Variants in TTC1 observed in about 807,000 individuals in gnomAD.
TTC1 encodes tetratricopeptide repeat protein 1.
TTC1 carries 31 observed loss-of-function variants against 37.6 expected under a neutral mutation model. The ratio of observed to expected loss-of-function variants is 0.82; its 90% CI spans 0.62 to 1.11. TTC1 has a LOEUF of 1.11. Ranked by LOEUF, TTC1 falls within the 50% of genes most tolerant of loss-of-function variation. TTC1 has a pLI of 0.00. For synonymous variants in TTC1, 127 were observed against 122.4 expected, an observed-to-expected ratio of 1.04 and a Z score of -0.25; for missense variants, 351 against 339.0, an observed-to-expected ratio of 1.04 and a Z score of -0.28.
Position 160,010,558 on chromosome 5 carries a change from T to A in TTC1, c.30T>A (p.Val10=), listed in dbSNP as rs1756481600. Reference sequence around the variant, plus strand: ...GGGAGAAGTCAGAGAACTGTGGGGTTCCAGAGGATCTGTTAAATGGTTTGA... The same window carrying A: ...GGGAGAAGTCAGAGAACTGTGGGGTACCAGAGGATCTGTTAAATGGTTTGA... MGEKSENCG[V]PEDLLNGLKV... is the part of the protein sequence containing the mutation. The change falls in exon 2 of 8, where the codon GTT becomes GTA. Residue 10 remains valine (V), a synonymous_variant. Transcript: ENST00000231238. 1.9e-6 allele frequency: 3 copies of A among 1,614,058 alleles called. No individual in the cohort carries two copies.
intron 1 of TTC1, among the ~76,000 whole-genome samples, chr5:160,010,257 C>CA (rs397882520): frequency 0.19 from 9,579 of 49,506 alleles, 800 homozygotes; most frequent in Non-Finnish European, 0.23. Flanking sequence ...GATTAAGTCT[C>CA]AAAAAAAAAA....
intron 7 of TTC1, among the ~76,000 whole-genome samples, chr5:160,054,408 G>C (rs148882952): frequency 6.6e-6 from 1 of 152,192 alleles, no homozygotes. Context: ...GAGCCCAGCA[G>C]TTCGAGACCA....
chr5:160,037,733 C>G (rs1757020040), intron 4 of TTC1, among the ~76,000 whole-genome samples: 1 of 151,324 alleles, frequency 6.6e-6, no homozygotes, highest in African/African-American at 2.4e-5. Context: ...TCTGATTTGT[C>G]TGATTTTCCG....
At chr5:160,051,088 T>G (rs766440909) in intron 6 of TTC1, 41 bp from the exon 7 acceptor site, 72 of 1,539,424 alleles carry the variant, frequency 4.7e-5, no homozygotes, top group South Asian at 1.2e-4. Context: ...TTTGGTTTTT[T>G]TTTTTTTTTT....
At chr5:160,018,822 A>G (rs4921106) in intron 2 of TTC1, among the ~76,000 whole-genome samples, 22,729 of 152,190 alleles carry the variant, frequency 0.15, 1,924 homozygotes, top group East Asian at 0.27. Context: ...GCAGTAGCCC[A>G]GTGAAGATGA....
intron 5 of TTC1, among the ~76,000 whole-genome samples, chr5:160,047,275 A>G (rs1200649556): frequency 1.3e-5 from 2 of 152,114 alleles, no homozygotes; most frequent in Non-Finnish European, 2.9e-5. Context: ...CAAAACTTGC[A>G]GTTAGTTTTT....
rs372061081 is a variant in TTC1, at chr5:160,038,047, G to T, written c.504+1244G>T. ...AAAGGCCCCAGGGCAGGGTTGCGGG[G>T]GTGGGTGCTTGAATGCTTGGACATG... On this transcript the variant is annotated intron_variant, in intron 4 of 7. Transcript: ENST00000231238. Among the ~76,000 whole-genome samples the T allele has an allele frequency of 1.1e-4, 17 of 151,888 alleles. 1 individual carries two copies. Among genetic ancestry groups the T allele is most frequent in the African/African-American group, 4.1e-4 (17 of 41,460 alleles).
At chr5:160,049,144 A>G (rs921709040) in intron 5 of TTC1, among the ~76,000 whole-genome samples, 2 of 152,236 alleles carry the variant, frequency 1.3e-5, no homozygotes, top group African/African-American at 4.8e-5. Context: ...TGGTTTTTAC[A>G]GTTTTAAATC....
At chr5:160,054,714 C>T (rs1438798991) in intron 7 of TTC1, among the ~76,000 whole-genome samples, 6 of 151,744 alleles carry the variant, frequency 4.0e-5, no homozygotes, top group African/African-American at 1.5e-4. Context: ...CATTTATAAT[C>T]AGAATAATCA....
chr5:160,057,584 TTTAAA>T lies in TTC1; in HGVS notation c.745+6403_745+6407del, dbSNP rs1212705061. On this transcript the variant is annotated intron_variant, in intron 7 of 7. Coordinates refer to ENST00000231238, the MANE Select transcript of TTC1 (RefSeq NM_003314.3). This position sits in a 1 kb window ranked among gnomAD's most constrained non-coding sequence, Gnocchi z 4.4. ...ACATTGGGGTGTCTGTGGCAGTATC[TTTAAA>T]TAAGATAGCAAGGAAGTTTGCCACA... 3.9e-5 allele frequency among the ~76,000 whole-genome samples: 6 copies of T among 152,218 alleles called. No individual in the cohort carries two copies. The highest frequency in any genetic ancestry group is 2.0e-4 in the Admixed American group (3 of 15,288).
At chr5:160,047,899 T>C (rs893805859) in intron 5 of TTC1, among the ~76,000 whole-genome samples, 1 of 152,308 alleles carries the variant, frequency 6.6e-6, no homozygotes, top group African/African-American at 2.4e-5. Context: ...TTTTTCATTA[T>C]AGTACTATGG....
chr5:160,049,707 G>C (rs370906460), intron 6 of TTC1, 45 bp downstream of exon 6: 60 of 1,427,914 alleles, frequency 4.2e-5, no homozygotes, highest in Middle Eastern at 2.5e-4. Context: ...TATTCTTTGT[G>C]TTGCTACCCA....
intron 2 of TTC1, among the ~76,000 whole-genome samples, chr5:160,025,143 T>A (rs947984406): frequency 3.3e-5 from 5 of 152,250 alleles, no homozygotes; most frequent in African/African-American, 9.6e-5. Flanking sequence ...TTCTCCTGCC[T>A]CAGCCTCCCA....
chr5:160,029,062 A>G (rs1184574401), intron 2 of TTC1, among the ~76,000 whole-genome samples: 1 of 152,156 alleles, frequency 6.6e-6, no homozygotes, highest in Non-Finnish European at 1.5e-5. Context: ...GTTGGTAATG[A>G]TATTTGTATA....
intron 2 of TTC1, among the ~76,000 whole-genome samples, chr5:160,018,632 A>G (rs143847110): frequency 0.012 from 1,760 of 152,354 alleles, 22 homozygotes; most frequent in African/African-American, 0.024. Flanking sequence ...CCTAAGCCGT[A>G]GTAAAGAACT....
chr5:160,014,894 A>G (rs868310912), intron 2 of TTC1, among the ~76,000 whole-genome samples: 5 of 152,318 alleles, frequency 3.3e-5, no homozygotes, highest in Middle Eastern at 3.4e-3. Context: ...AATGTTAAAC[A>G]GGGTATTTGT....
chr5:160,050,363 C>T (rs2113395100), intron 6 of TTC1, among the ~76,000 whole-genome samples: 1 of 152,190 alleles, frequency 6.6e-6, no homozygotes, highest in African/African-American at 2.4e-5. Flanking sequence ...AGGAGAATCG[C>T]TTGAACCCAG....
At chr5:160,046,217 A>G (rs574562058) in intron 5 of TTC1, among the ~76,000 whole-genome samples, 204 of 152,266 alleles carry the variant, frequency 1.3e-3, no homozygotes, top group Non-Finnish European at 9.0e-4. Context: ...TATCCATGCC[A>G]TTGAAACCCA....
At chr5:160,056,576 T>C (rs903377437) in intron 7 of TTC1, among the ~76,000 whole-genome samples, 21 of 152,012 alleles carry the variant, frequency 1.4e-4, no homozygotes. Context: ...AATAAAAAAT[T>C]AGCCCGGCAT....
Sources: allele counts gnomAD v4.1 joint callset (sites outside exome capture counted in the v4.1 genomes callset), GRCh38; gene constraint gnomAD v4.1.1; non-coding constraint Gnocchi (gnomAD v3.1); transcripts MANE v1.5; gene names NCBI Gene and HGNC (gene_info 2026-07-23, HGNC 2026-07-21).